Variants in ACACA observed in about 807,000 individuals in gnomAD.
The protein encoded by ACACA is acetyl-CoA carboxylase 1.
Under a neutral mutation model 296.1 loss-of-function variants are expected in ACACA, and 103 were observed. The ratio of observed to expected loss-of-function variants is 0.35; its 90% CI spans 0.30 to 0.41. The LOEUF (loss-of-function observed/expected upper bound fraction) is 0.41, where lower values mean the gene tolerates loss of function less well. Ranked by LOEUF, ACACA falls within the 10% of genes least tolerant of loss-of-function variation. ACACA has a pLI of 1.00. For missense variants in ACACA, 1,554 were observed against 2,989.7 expected, an observed-to-expected ratio of 0.52 and a Z score of 11.20; for synonymous variants, 953 against 1,038.6, an observed-to-expected ratio of 0.92 and a Z score of 1.58.
intron 43 of ACACA, among the ~76,000 whole-genome samples, 157 bp from the exon 44 acceptor site, chr17:37,151,578 G>C (rs1443198683): frequency 6.6e-6 from 1 of 152,170 alleles, no homozygotes; most frequent in Non-Finnish European, 1.5e-5. Context: ...TCATTCATAT[G>C]TCTTTCCTTC....
At chr17:37,349,447 G>A (rs2048790068) in intron 1 of ACACA, among the ~76,000 whole-genome samples, 1 of 145,872 alleles carries the variant, frequency 6.9e-6, no homozygotes, top group African/African-American at 2.5e-5. Flanking sequence ...ATATAGATAA[G>A]ATATATCTTA....
intron 39 of ACACA, among the ~76,000 whole-genome samples, chr17:37,187,506 G>A (rs577937031): frequency 6.6e-6 from 1 of 152,294 alleles, no homozygotes; most frequent in Non-Finnish European, 1.5e-5. Flanking sequence ...GTGAACAATG[G>A]TGAACCAACC....
intron 1 of ACACA, 48 bp downstream of exon 1, chr17:37,406,214 C>T: frequency 6.3e-7 from 1 of 1,599,254 alleles, no homozygotes; most frequent in Non-Finnish European, 8.6e-7. Context: ...CAAATGGTAG[C>T]TATTAGAATC....
intron 1 of ACACA, among the ~76,000 whole-genome samples, chr17:37,381,879 G>C (rs1053542302): frequency 6.6e-6 from 1 of 150,858 alleles, no homozygotes; most frequent in African/African-American, 2.4e-5. Flanking sequence ...TGCCCGCCTT[G>C]GCCTCCCAAA....
Position 37,097,249 on chromosome 17 carries a change from A to C in ACACA, c.6721-83T>G. 6.6e-7 allele frequency: 1 copy of C among 1,508,712 alleles called. No homozygotes were observed. Among genetic ancestry groups the C allele is most frequent in the Non-Finnish European group, 9.0e-7 (1 of 1,109,220 alleles). The allele number at this position is 1,508,712 out of a possible 1,614,324, so 93.5% of individuals were successfully genotyped here. On this transcript the variant is annotated intron_variant, in intron 53 of 55. Transcript: ENST00000616317. The surrounding 1 kb of genome is among the most constrained non-coding windows in gnomAD (Gnocchi z 4.8). Reference sequence around the variant, plus strand: ...TGGAGGGAAACCCACAGGCATAAAAACTGATTCTCCAGGCAAGCCCTTCAC... The same window carrying C: ...TGGAGGGAAACCCACAGGCATAAAACCTGATTCTCCAGGCAAGCCCTTCAC...
rs550276738 is a variant in ACACA, at chr17:37,235,709, T to C, written c.3122-610A>G. On this transcript the variant is annotated intron_variant, in intron 24 of 55. Coordinates refer to ENST00000616317, the MANE Select transcript of ACACA (RefSeq NM_198834.3). ...TACCCCTGGAATCAACATTTTCTTC[T>C]GTTAGTCCTTGAAACAGCTAAGCAA... 1.7e-4 allele frequency among the ~76,000 whole-genome samples: 26 copies of C among 152,298 alleles called. No homozygotes were observed. The South Asian group carries it at 5.2e-3, about 30-fold the overall frequency.
intron 29 of ACACA, among the ~76,000 whole-genome samples, chr17:37,213,859 G>A (rs1434608826): frequency 6.6e-6 from 1 of 152,068 alleles, no homozygotes; most frequent in Non-Finnish European, 1.5e-5. Context: ...TGACTTCTCT[G>A]GCAGCCACAA....
At chr17:37,365,420 T>C in intron 1 of ACACA, 1 of 983,554 alleles carries the variant, frequency 1.0e-6, no homozygotes, top group African/African-American at 1.7e-5. Flanking sequence ...CTTCATTGAC[T>C]GAAATAAAGA....
intron 1 of ACACA, among the ~76,000 whole-genome samples, chr17:37,364,598 A>AAAAAAAAAAGAAAAAG (rs796591068): frequency 2.5e-4 from 34 of 137,082 alleles, no homozygotes; most frequent in African/African-American, 8.5e-4. Context: ...CTCAAAAAAA[A>AAAAAAAAAAGAAAAAG]AAAAAAAGAA....
chr17:37,322,177 T>C (rs1345147885), intron 3 of ACACA, among the ~76,000 whole-genome samples: 3 of 152,146 alleles, frequency 2.0e-5, no homozygotes, highest in Non-Finnish European at 4.4e-5. Flanking sequence ...AGAAAAGAAA[T>C]AGAAATATAA....
At chr17:37,309,860 T>C (rs2084049360) in intron 3 of ACACA, among the ~76,000 whole-genome samples, 1 of 151,956 alleles carries the variant, frequency 6.6e-6, no homozygotes, top group Non-Finnish European at 1.5e-5. Flanking sequence ...GAGACCAGCC[T>C]GGGCCACATA....
At chr17:37,204,253 T>C (rs1007839527) in intron 33 of ACACA, among the ~76,000 whole-genome samples, 2 of 152,226 alleles carry the variant, frequency 1.3e-5, no homozygotes, top group Non-Finnish European at 1.5e-5. Context: ...CTGTAGATTA[T>C]TGTTTTAAGC....
At chr17:37,306,729 C>G (rs1476617338) in intron 3 of ACACA, among the ~76,000 whole-genome samples, 2 of 151,562 alleles carry the variant, frequency 1.3e-5, no homozygotes, top group African/African-American at 4.9e-5. Flanking sequence ...GAGTCTTGCT[C>G]TGTCACCCAG....
intron 3 of ACACA, among the ~76,000 whole-genome samples, chr17:37,320,507 T>C (rs1447765781): frequency 6.7e-6 from 1 of 149,790 alleles, no homozygotes; most frequent in Non-Finnish European, 1.5e-5. Flanking sequence ...CGAGACTTCA[T>C]CTCAAAAAAA....
chr17:37,385,782 T>C (rs1048707164), intron 1 of ACACA, among the ~76,000 whole-genome samples: 1 of 152,148 alleles, frequency 6.6e-6, no homozygotes, highest in African/African-American at 2.4e-5. Context: ...TTTGATCCTA[T>C]GTTAGTTAAA....
intron 48 of ACACA, among the ~76,000 whole-genome samples, chr17:37,124,553 T>C (rs1337088098): frequency 6.6e-6 from 1 of 151,920 alleles, no homozygotes; most frequent in Admixed American, 6.6e-5. Flanking sequence ...GATACAGGAG[T>C]CGAGTATCAG....
At chr17:37,146,501 A>G (rs1164018849) in intron 45 of ACACA, among the ~76,000 whole-genome samples, 3 of 152,164 alleles carry the variant, frequency 2.0e-5, no homozygotes, top group Admixed American at 1.3e-4. Context: ...TCTCTGCCTC[A>G]GCAAAAGTTT....
intron 3 of ACACA, among the ~76,000 whole-genome samples, chr17:37,326,432 G>A (rs1345808238): frequency 6.6e-6 from 1 of 152,000 alleles, no homozygotes; most frequent in East Asian, 1.9e-4. Context: ...TCAGGAGGCT[G>A]AGGCAGGAGA....
At chr17:37,313,752 G>A (rs1040637108) in intron 3 of ACACA, among the ~76,000 whole-genome samples, 12 of 152,082 alleles carry the variant, frequency 7.9e-5, no homozygotes, top group African/African-American at 2.9e-4. Context: ...AAAACACAAT[G>A]GGAATGTAAA....
Sources: gnomAD v4.1 joint callset for allele counts (sites outside exome capture counted in the v4.1 genomes callset) on GRCh38, gnomAD v4.1.1 for gene constraint, Gnocchi (gnomAD v3.1) non-coding constraint, MANE v1.5 for transcripts, NCBI Gene and HGNC (gene_info 2026-07-23, HGNC 2026-07-21) for gene names.